CBL: variants seen among roughly 807,000 people sequenced by gnomAD.
The protein encoded by CBL is E3 ubiquitin-protein ligase CBL.
Under a neutral mutation model 96.9 loss-of-function variants are expected in CBL, and 45 were observed. The observed-to-expected ratio is 0.46, with a 90% CI of 0.37 to 0.60. The LOEUF is 0.60. CBL is among the 20% of genes least tolerant of loss of function. CBL has a pLI of 0.00. For missense variants in CBL, 1,024 were observed against 1,143.5 expected, an observed-to-expected ratio of 0.90 and a Z score of 1.51; for synonymous variants, 420 against 426.8, an observed-to-expected ratio of 0.98 and a Z score of 0.20.
chr11:119,244,773 A>G (rs1211386824), intron 2 of CBL, among the ~76,000 whole-genome samples: 1 of 150,006 alleles, frequency 6.7e-6, no homozygotes, highest in Non-Finnish European at 1.5e-5. Context: ...CTGGTCTTGA[A>G]CTCCTGAGTT....
At chr11:119,260,867 A>C (rs1949748703) in intron 2 of CBL, among the ~76,000 whole-genome samples, 1 of 149,140 alleles carries the variant, frequency 6.7e-6, no homozygotes, top group Non-Finnish European at 1.5e-5. Context: ...ATCACTCCCC[A>C]GTCCCAGATC....
At chr11:119,269,553 C>G (rs1565869760) in intron 2 of CBL, among the ~76,000 whole-genome samples, 2 of 151,936 alleles carry the variant, frequency 1.3e-5, no homozygotes. Flanking sequence ...GATATAAAGA[C>G]TTGGATAATT....
At position 119,305,758 on chromosome 11, in the gene CBL, G is replaced by GT. The variant is rs541615597; in HGVS notation, c.*5986dup. On this transcript the variant is annotated 3_prime_UTR_variant, in exon 16 of 16. Transcript: ENST00000264033. ...TCCTATATAAAAGCTTTCCTTTTCT[G>GT]TTTTTTTTTAAAACTATGCTTTTGC... 9.4e-4 allele frequency: 209 copies of GT among 223,472 alleles called. 1 individual carries two copies. Among genetic ancestry groups the GT allele is most frequent in the East Asian group, 3.6e-3 (55 of 15,308 alleles). The allele number at this position is 223,472 out of a possible 1,614,324, so 13.8% of individuals were successfully genotyped here. A position where few individuals can be genotyped will look rare whatever the true frequency, so the allele number is the denominator to read the frequency against.
intron 2 of CBL, among the ~76,000 whole-genome samples, chr11:119,239,700 A>G (rs1252439510): frequency 6.6e-6 from 1 of 151,934 alleles, no homozygotes; most frequent in Non-Finnish European, 1.5e-5. Context: ...CATTGAGTAT[A>G]TTAGCTGTGA....
chr11:119,230,184 C>G (rs1434469721), intron 1 of CBL, among the ~76,000 whole-genome samples: 1 of 149,796 alleles, frequency 6.7e-6, no homozygotes, highest in African/African-American at 2.5e-5. Flanking sequence ...CGGAGTCTTG[C>G]TCTGTCACCC....
intron 1 of CBL, among the ~76,000 whole-genome samples, chr11:119,230,113 T>C (rs1450800074): frequency 6.6e-6 from 1 of 152,206 alleles, no homozygotes; most frequent in Non-Finnish European, 1.5e-5. Flanking sequence ...CAAAAAAGTT[T>C]ATAATGAGCT....
rs1295068262 is a variant in CBL, at chr11:119,303,727, C to A, written c.*3946C>A. 4.3e-6 allele frequency: 1 copy of A among 233,642 alleles called. No individual in the cohort carries two copies. Among genetic ancestry groups the A allele is most frequent in the Non-Finnish European group, 8.5e-6 (1 of 118,004 alleles). 14.5% of individuals were successfully genotyped at this position (233,642 alleles called of 1,614,324 possible). ...GAATTTGTTCCAACATAATTAGAAT[C>A]TGTTTGGTGAGTTGAAAGGTAAGTT... is the stretch of plus-strand genomic sequence containing the variant. On this transcript the variant is annotated 3_prime_UTR_variant, in exon 16 of 16. Coordinates refer to ENST00000264033, the MANE Select transcript of CBL (RefSeq NM_005188.4).
At chr11:119,283,719 G>A (rs1465745783) in intron 9 of CBL, among the ~76,000 whole-genome samples, 5 of 127,932 alleles carry the variant, frequency 3.9e-5, no homozygotes, top group Non-Finnish European at 7.8e-5. Context: ...CTCACTGCAA[G>A]CTCCGCCTCC....
At position 119,271,842 on chromosome 11, in the gene CBL, C is replaced by T. The variant is rs753133509; in HGVS notation, c.551C>T (p.Ala184Val). ...GGAGACACATTTCGGATTACTAAAG[C>T]AGATGCTGCGGAATTTTGGAGAAAA... ...FQGDTFRITK[A>V]DAAEFWRKAF... is the part of the protein sequence containing the mutation. The change falls in exon 3 of 16, where the codon GCA becomes GTA. Residue 184 changes from alanine to valine, a missense_variant. Ala to Val is a moderately conservative substitution (Grantham distance 64). This residue lies in a region of CBL where 192 missense variants were observed against 321.8 expected (regional missense o/e 0.60). Transcript: ENST00000264033. 6.2e-7 allele frequency: 1 copy of T among 1,614,004 alleles called. No homozygotes were observed. Among genetic ancestry groups the T allele is most frequent in the South Asian group, 1.1e-5 (1 of 91,080 alleles).
At chr11:119,231,702 C>G (rs1949502885) in intron 1 of CBL, among the ~76,000 whole-genome samples, 1 of 152,064 alleles carries the variant, frequency 6.6e-6, no homozygotes, top group Non-Finnish European at 1.5e-5. Flanking sequence ...GAGTGAAACT[C>G]TGTCTCAAAA....
intron 2 of CBL, among the ~76,000 whole-genome samples, chr11:119,257,845 A>T (rs572536971): frequency 5.9e-5 from 9 of 152,272 alleles, no homozygotes; most frequent in Non-Finnish European, 1.3e-4. Flanking sequence ...GCTTTGTCAA[A>T]GATCAGTTGG....
intron 1 of CBL, among the ~76,000 whole-genome samples, chr11:119,230,119 G>A (rs1949489720): frequency 6.6e-6 from 1 of 151,726 alleles, no homozygotes; most frequent in African/African-American, 2.4e-5. Context: ...AGTTTATAAT[G>A]AGCTTTCGGT....
intron 3 of CBL, 119 bp downstream of exon 3, chr11:119,272,000 T>A: frequency 2.3e-6 from 2 of 888,840 alleles, no homozygotes; most frequent in Non-Finnish European, 3.6e-6. Context: ...AATATATGTG[T>A]ATGTATTTCC....
chr11:119,237,682 T>G (rs1204587825), intron 2 of CBL, among the ~76,000 whole-genome samples: 3 of 152,230 alleles, frequency 2.0e-5, no homozygotes, highest in African/African-American at 2.4e-5. Context: ...AGGAAGGAAG[T>G]AAGTTGACCA....
intron 1 of CBL, among the ~76,000 whole-genome samples, chr11:119,225,600 T>C: frequency 6.6e-6 from 1 of 152,082 alleles, no homozygotes; most frequent in East Asian, 1.9e-4. Context: ...GGTTTTGCCA[T>C]GTTGTCCAGG....
intron 5 of CBL, among the ~76,000 whole-genome samples, chr11:119,275,580 T>A (rs577706756): frequency 5.9e-5 from 9 of 151,464 alleles, no homozygotes; most frequent in African/African-American, 2.2e-4. Flanking sequence ...GTAGTTATTC[T>A]TGGCTGGGTG....
rs1283127166 is a variant in CBL at position 119,292,700 on chromosome 11, G to A, written c.2037-4218G>A. Among the ~76,000 whole-genome samples the A allele has an allele frequency of 2.0e-5, 3 of 152,288 alleles. No homozygotes were observed. The East Asian group carries it at 5.8e-4, about 29-fold the overall frequency. On this transcript the variant is annotated intron_variant, in intron 12 of 15. Coordinates refer to ENST00000264033, the MANE Select transcript of CBL (RefSeq NM_005188.4). ...CTCCCAAAGTGCTGGGATTACAGGC[G>A]TGAGCCACTGCGCCCGGCCTATTTT... is the stretch of plus-strand genomic sequence containing the variant.
chr11:119,247,626 C>G (rs565220011), intron 2 of CBL, among the ~76,000 whole-genome samples: 182 of 152,232 alleles, frequency 1.2e-3, no homozygotes, highest in Non-Finnish European at 2.0e-3. Flanking sequence ...GCCTGGCCAA[C>G]ATGGTGAAAC....
At chr11:119,208,740 T>A (rs1217474347) in intron 1 of CBL, among the ~76,000 whole-genome samples, 1 of 152,206 alleles carries the variant, frequency 6.6e-6, no homozygotes, top group Non-Finnish European at 1.5e-5. Context: ...AAAGTGTTTC[T>A]ATAAATACAG....
Sources: gnomAD v4.1 joint callset for allele counts (sites outside exome capture counted in the v4.1 genomes callset) on GRCh38, gnomAD v4.1.1 for gene constraint, gnomAD v4.1.1 regional missense constraint, MANE v1.5 for transcripts, NCBI Gene and HGNC (gene_info 2026-07-23, HGNC 2026-07-21) for gene names.